Variants in MORC1 observed in about 807,000 individuals in gnomAD.
The protein encoded by MORC1 is MORC family CW-type zinc finger 1.
A neutral mutation model predicts 134.9 loss-of-function variants in MORC1; 59 were observed. The ratio of observed to expected loss-of-function variants is 0.44; its 90% confidence interval spans 0.35 to 0.54. MORC1 has a LOEUF of 0.54. Among genes scored for constraint, MORC1 ranks in the 20% least tolerant of loss-of-function variants. The pLI is 0.00. For missense variants in MORC1, 947 were observed against 1,134.5 expected (o/e 0.83, Z 2.37); for synonymous variants, 395 against 391.7 (o/e 1.01, Z -0.10).
At chr3:109,052,127 A>G (rs368518635) in intron 14 of MORC1, among the ~76,000 whole-genome samples, 1 of 152,348 alleles carries the variant, frequency 6.6e-6, no homozygotes, top group East Asian at 1.9e-4. Flanking sequence ...ACTAGCAGTT[A>G]AAGACCAGAG....
chr3:109,052,772 T>A (rs1225581089), intron 14 of MORC1, among the ~76,000 whole-genome samples: 1 of 152,212 alleles, frequency 6.6e-6, no homozygotes. Context: ...TGATATTCTA[T>A]TTCTTGACAT....
At chr3:109,012,645 T>C (rs936924804) in intron 17 of MORC1, among the ~76,000 whole-genome samples, 2 of 152,228 alleles carry the variant, frequency 1.3e-5, no homozygotes, top group African/African-American at 2.4e-5. Flanking sequence ...GTCAACGTTA[T>C]CTGTAAGTAG....
chr3:109,029,838 A>G (rs560260788), intron 16 of MORC1, among the ~76,000 whole-genome samples: 3 of 152,220 alleles, frequency 2.0e-5, no homozygotes, highest in African/African-American at 7.2e-5. Context: ...CTTCCAACAG[A>G]CAATGTGATA....
intron 14 of MORC1, among the ~76,000 whole-genome samples, chr3:109,036,535 T>C (rs1224286670): frequency 6.6e-6 from 1 of 152,204 alleles, no homozygotes; most frequent in Non-Finnish European, 1.5e-5. Context: ...AAAGAATCCA[T>C]GTTTGACTGT....
Position 109,007,071 on chromosome 3 carries a change from G to A in MORC1, c.1725C>T (p.Asp575=), listed in dbSNP as rs139073766. 5.6e-5 allele frequency: 90 copies of A among 1,611,452 alleles called. No homozygotes were observed. The highest frequency in any genetic ancestry group is 7.1e-5 in the Non-Finnish European group (84 of 1,178,808). Residue 575 remains aspartate (D), a synonymous_variant, in exon 18 of 28, where the codon GAC becomes GAT. Transcript: ENST00000232603. ...QQPQPQFIPV[D]EITVTSTCLT... ...GGCAGGTGGAAGTGACAGTGATTTC[G>A]TCCACTGGTATAAATTGAGGCTTTA...
intron 21 of MORC1, among the ~76,000 whole-genome samples, chr3:108,997,482 TG>T (rs1948266264): frequency 6.6e-6 from 1 of 152,144 alleles, no homozygotes; most frequent in African/African-American, 2.4e-5. Flanking sequence ...CACTCCAGCC[TG>T]GGTGACACAG....
chr3:109,037,505 G>C (rs11720404), intron 14 of MORC1, among the ~76,000 whole-genome samples: 18 of 152,058 alleles, frequency 1.2e-4, no homozygotes, highest in South Asian at 2.1e-4. Context: ...GGTTTGTTAC[G>C]TAGGCATACA....
intron 1 of MORC1, among the ~76,000 whole-genome samples, chr3:109,116,027 G>C (rs576178290): frequency 4.5e-4 from 68 of 152,218 alleles, no homozygotes; most frequent in African/African-American, 1.6e-3. Context: ...AAAGACCCTC[G>C]AAGCAGAAAA....
chr3:109,103,966 A>T, intron 3 of MORC1, 49 bp from the exon 4 acceptor site: 1 of 1,464,004 alleles, frequency 6.8e-7, no homozygotes, highest in Non-Finnish European at 9.6e-7. Flanking sequence ...TTAATTTGTT[A>T]GTCAGAAAGT....
chr3:108,958,931 T>C lies in MORC1; in HGVS notation c.*34A>G, dbSNP rs1947007087. 3 of 1,373,328 alleles carry C rather than the reference T, an allele frequency of 2.2e-6. No individual in the cohort carries two copies. The highest frequency in any genetic ancestry group is 2.9e-6 in the Non-Finnish European group (3 of 1,039,074). 85.1% of individuals were successfully genotyped at this position (1,373,328 alleles called of 1,614,324 possible). On this transcript the variant is annotated 3_prime_UTR_variant, in exon 28 of 28. Coordinates refer to ENST00000232603, the MANE Select transcript of MORC1 (RefSeq NM_014429.4). ...TTAAAAGAATCTTCCAATTTTCTTA[T>C]TAGCATTTTTTAAAAGGTAATACCA...
At chr3:109,092,051 TA>T (rs911238600) in intron 8 of MORC1, among the ~76,000 whole-genome samples, 9 of 152,172 alleles carry the variant, frequency 5.9e-5, no homozygotes, top group African/African-American at 2.2e-4. Flanking sequence ...AAAATGCTTT[TA>T]AATAGCATGA....
chr3:108,995,608 A>G (rs1482785413), intron 21 of MORC1, among the ~76,000 whole-genome samples: 3 of 152,230 alleles, frequency 2.0e-5, no homozygotes, highest in African/African-American at 7.2e-5. Flanking sequence ...GCCAGGAATT[A>G]GTGGAGACCC....
chr3:109,035,364 C>T lies in MORC1; in HGVS notation c.1435G>A (p.Gly479Ser). The change falls in exon 15 of 28, where the codon GGT becomes AGT. Residue 479 changes from glycine (G) to serine (S), a missense_variant. Coordinates refer to ENST00000232603, the MANE Select transcript of MORC1 (RefSeq NM_014429.4). ...SFQYQRRQAM[G>S]IPFIIQCDLC... is the part of the protein sequence containing the mutation. ...CCACATTGTATGATGAATGGGATAC[C>T]CATGGCTTGTCTTCTTTGATATTGA... 2 of 1,591,416 alleles carry T rather than the reference C, an allele frequency of 1.3e-6. No individual in the cohort carries two copies. The highest frequency in any genetic ancestry group is 1.4e-5 in the African/African-American group (1 of 73,770).
At chr3:108,971,803 G>GAGGA (rs370029015) in intron 24 of MORC1, among the ~76,000 whole-genome samples, 2,042 of 142,412 alleles carry the variant, frequency 0.014, 38 homozygotes, top group African/African-American at 0.035. Flanking sequence ...GTTACTGAAA[G>GAGGA]AGGAAGGAAG....
At chr3:108,968,160 T>G (rs1337999579) in intron 26 of MORC1, among the ~76,000 whole-genome samples, 1 of 152,244 alleles carries the variant, frequency 6.6e-6, no homozygotes, top group Admixed American at 6.5e-5. Context: ...AAAGTAAACT[T>G]TGTCTTTTAT....
chr3:108,995,965 T>C (rs1477030238), intron 21 of MORC1, among the ~76,000 whole-genome samples: 1 of 152,050 alleles, frequency 6.6e-6, no homozygotes, highest in East Asian at 1.9e-4. Context: ...AATGGGGTGA[T>C]TGAATTCATG....
chr3:108,988,426 A>C (rs956452005), intron 21 of MORC1, among the ~76,000 whole-genome samples: 1 of 152,202 alleles, frequency 6.6e-6, no homozygotes, highest in Non-Finnish European at 1.5e-5. Context: ...TTTTGAAAAA[A>C]ATCTTGAAAG....
intron 24 of MORC1, among the ~76,000 whole-genome samples, chr3:108,972,215 T>A (rs913904691): frequency 3.9e-5 from 6 of 152,184 alleles, no homozygotes; most frequent in African/African-American, 1.4e-4. Context: ...ATTAATCACC[T>A]ATATGACACA....
chr3:108,958,336 T>A lies in MORC1; in HGVS notation c.*629A>T, dbSNP rs1946988541. On this transcript the variant is annotated 3_prime_UTR_variant, in exon 28 of 28. Transcript: ENST00000232603. ...ACTTATCAAGAAAAGTGTAAAAACA[T>A]ACTTCTTTACGTATATGTAAATGTA... The A allele has an allele frequency of 6.6e-6, 1 of 151,934 alleles. No homozygotes were observed. The highest frequency in any genetic ancestry group is 1.5e-5 in the Non-Finnish European group (1 of 67,938). 9.4% of individuals were successfully genotyped at this position (151,934 alleles called of 1,614,324 possible). A position where few individuals can be genotyped will look rare whatever the true frequency, so the allele number is the denominator to read the frequency against.
Sources: gnomAD v4.1 joint callset for allele counts (sites outside exome capture counted in the v4.1 genomes callset) on GRCh38, gnomAD v4.1.1 for gene constraint, MANE v1.5 for transcripts, NCBI Gene and HGNC (gene_info 2026-07-23, HGNC 2026-07-21) for gene names.